ACACA: variants seen among roughly 807,000 people sequenced by gnomAD.
ACACA encodes acetyl-CoA carboxylase 1.
Under a neutral mutation model 296.1 loss-of-function variants are expected in ACACA, and 103 were observed. That is an observed-to-expected ratio of 0.35 (90% CI 0.30 to 0.41). The LOEUF is 0.41. Among genes scored for constraint, ACACA ranks in the 10% least tolerant of loss-of-function variants. The probability of loss-of-function intolerance (pLI) is 1.00; values close to 1 mark genes in which losing one functional copy is unlikely to be tolerated. For synonymous variants in ACACA, 953 were observed against 1,038.6 expected (o/e 0.92, Z 1.58); for missense variants, 1,554 against 2,989.7 (o/e 0.52, Z 11.20).
At chr17:37,157,424 A>G (rs893003326) in intron 42 of ACACA, among the ~76,000 whole-genome samples, 2 of 152,314 alleles carry the variant, frequency 1.3e-5, no homozygotes, top group South Asian at 4.1e-4. Context: ...CTTGTAGGCA[A>G]CTATATGATC....
intron 1 of ACACA, among the ~76,000 whole-genome samples, chr17:37,393,253 T>C (rs2050958461): frequency 6.6e-6 from 1 of 152,046 alleles, no homozygotes; most frequent in African/African-American, 2.4e-5. Context: ...TGAATGAGTA[T>C]ATTATTTGCA....
intron 3 of ACACA, among the ~76,000 whole-genome samples, chr17:37,324,553 C>T (rs1411711645): frequency 6.6e-6 from 1 of 151,222 alleles, no homozygotes; most frequent in African/African-American, 2.4e-5. Context: ...GCCTGTAATC[C>T]CAGCTACTTG....
chr17:37,229,225 T>G (rs996594210), intron 25 of ACACA, among the ~76,000 whole-genome samples: 9 of 152,034 alleles, frequency 5.9e-5, no homozygotes, highest in African/African-American at 1.9e-4. Context: ...AAAAGAAATA[T>G]AGGTTTACCT....
At chr17:37,400,101 T>C (rs1460580206) in intron 1 of ACACA, among the ~76,000 whole-genome samples, 1 of 152,022 alleles carries the variant, frequency 6.6e-6, no homozygotes, top group African/African-American at 2.4e-5. Context: ...TTTTCAAGCA[T>C]ATATATATTT....
At chr17:37,142,697 C>T (rs2075641762) in intron 45 of ACACA, among the ~76,000 whole-genome samples, 1 of 152,138 alleles carries the variant, frequency 6.6e-6, no homozygotes, top group African/African-American at 2.4e-5. Flanking sequence ...ATCAACGAGT[C>T]CTTGGGGACT....
chr17:37,100,204 C>G (rs1419910525), intron 52 of ACACA, among the ~76,000 whole-genome samples: 1 of 152,176 alleles, frequency 6.6e-6, no homozygotes, highest in Non-Finnish European at 1.5e-5. Flanking sequence ...CAATGGATGT[C>G]AAAGCCAGTG....
intron 37 of ACACA, 145 bp from the exon 38 acceptor site, chr17:37,191,420 C>A: frequency 1.2e-6 from 1 of 857,306 alleles, no homozygotes; most frequent in Non-Finnish European, 1.8e-6. Flanking sequence ...TAGAGTCAGT[C>A]CAGTAACCAC....
chr17:37,179,438 C>T (rs1288228564), intron 40 of ACACA, 32 bp from the exon 41 acceptor site: 1 of 1,611,748 alleles, frequency 6.2e-7, no homozygotes, highest in Admixed American at 1.7e-5. Context: ...ACTAATCAGT[C>T]ACAATAATTT....
intron 41 of ACACA, among the ~76,000 whole-genome samples, chr17:37,174,024 T>A (rs1466946104): frequency 7.5e-3 from 297 of 39,578 alleles, no homozygotes; most frequent in Non-Finnish European, 0.014. Context: ...ATATATATTT[T>A]TTTTTTTTTT....
intron 45 of ACACA, 100 bp downstream of exon 45, chr17:37,149,764 C>T (rs2075962188): frequency 5.8e-6 from 6 of 1,033,344 alleles, no homozygotes; most frequent in African/African-American, 1.6e-5. Flanking sequence ...GAGGAAGGCA[C>T]GGATTGAACT....
intron 1 of ACACA, among the ~76,000 whole-genome samples, chr17:37,362,770 T>A (rs1258632864): frequency 6.6e-6 from 1 of 152,022 alleles, no homozygotes; most frequent in Non-Finnish European, 1.5e-5. Flanking sequence ...GGTCAGGATA[T>A]CGAGACCATC....
At chr17:37,152,683 G>GA (rs2076092275) in intron 43 of ACACA, among the ~76,000 whole-genome samples, 1 of 152,124 alleles carries the variant, frequency 6.6e-6, no homozygotes, top group Non-Finnish European at 1.5e-5. Context: ...GGGAGATGGG[G>GA]AATGCAACTA....
chr17:37,191,664 T>C (rs1344860047), intron 37 of ACACA, among the ~76,000 whole-genome samples: 2 of 152,200 alleles, frequency 1.3e-5, no homozygotes, highest in Admixed American at 1.3e-4. Flanking sequence ...TGCCTTGCTA[T>C]ATACAGACAC....
chr17:37,331,307 TG>T (rs895757268), intron 2 of ACACA, among the ~76,000 whole-genome samples: 9 of 151,566 alleles, frequency 5.9e-5, no homozygotes, highest in African/African-American at 2.2e-4. Flanking sequence ...TTAGTAGAGA[TG>T]GGGTTTCACC....
chr17:37,118,553 A>C (rs1412913841), intron 50 of ACACA, among the ~76,000 whole-genome samples: 1 of 152,196 alleles, frequency 6.6e-6, no homozygotes, highest in African/African-American at 2.4e-5. Flanking sequence ...ACATTCTGTT[A>C]TAGGGATATT....
rs1023103939 is a variant in ACACA, at chr17:37,346,593, T to A, written c.39-6743A>T. 2.0e-5 allele frequency among the ~76,000 whole-genome samples: 3 copies of A among 149,334 alleles called. No homozygotes were observed. In the Admixed American group the frequency reaches 2.0e-4, roughly 10 times the overall value. ...GGCGGGCGCCTGTAGTCTCAGCTAC[T>A]CAGGAGGCTGAGGCAGGAGAATGGC... is the stretch of plus-strand genomic sequence containing the variant. On this transcript the variant is annotated intron_variant, in intron 1 of 55. Transcript: ENST00000616317.
chr17:37,191,073 G>GT, intron 38 of ACACA, 47 bp downstream of exon 38: 1 of 1,604,520 alleles, frequency 6.2e-7, no homozygotes, highest in Non-Finnish European at 8.5e-7. Flanking sequence ...ATGAACTTCT[G>GT]TGCTTATGCT....
chr17:37,314,102 T>C (rs1181142394), intron 3 of ACACA, among the ~76,000 whole-genome samples: 2 of 126,044 alleles, frequency 1.6e-5, no homozygotes, highest in Non-Finnish European at 3.1e-5. Context: ...CTACTATATA[T>C]TCTTTTTTTT....
chr17:37,265,469 G>A (rs1479813768), intron 10 of ACACA, among the ~76,000 whole-genome samples: 1 of 152,070 alleles, frequency 6.6e-6, no homozygotes. Context: ...AGGTTCCTTG[G>A]GTGCAACTCC....
Sources: allele counts gnomAD v4.1 joint callset (sites outside exome capture counted in the v4.1 genomes callset), GRCh38; gene constraint gnomAD v4.1.1; transcripts MANE v1.5; gene names NCBI Gene and HGNC (gene_info 2026-07-23, HGNC 2026-07-21).